The following NUP153 variants were observed in gnomAD, a reference collection of about 807,000 sequenced individuals.
The protein encoded by NUP153 is nuclear pore complex protein Nup153.
In NUP153, 27 loss-of-function variants were observed where a neutral mutation model predicts 134.6. The ratio of observed to expected loss-of-function variants is 0.20; its 90% confidence interval spans 0.15 to 0.28. NUP153 has a LOEUF of 0.28. NUP153 is among the 10% of genes least tolerant of loss of function. NUP153 has a pLI of 1.00. For missense variants in NUP153, 1,821 were observed against 1,731.3 expected (o/e 1.05, Z -0.92); for synonymous variants, 640 against 623.5 (o/e 1.03, Z -0.40).
Position 17,629,067 on chromosome 6 carries a change from G to T in NUP153, c.3132C>A (p.Asn1044Lys). 3.1e-6 allele frequency: 5 copies of T among 1,614,218 alleles called. No homozygotes were observed. Among genetic ancestry groups the T allele is most frequent in the Non-Finnish European group, 4.2e-6 (5 of 1,180,044 alleles). The change falls in exon 18 of 22, where the codon AAC (asparagine) becomes AAA (lysine). Residue 1044 changes from asparagine (N) to lysine (K), a missense_variant. Coordinates refer to ENST00000262077, the MANE Select transcript of NUP153 (RefSeq NM_005124.4). ...APANTIVTSENKSSFNLGTIE... is the reference protein window; with the variant it reads ...APANTIVTSEKKSSFNLGTIE... ...TGGTTCCAAGGTTGAAGCTGCTCTT[G>T]TTCTCAGAGGTCACTATGGTGTTAG...
In NUP153 at chr6:17,678,352, CAAAAAA is replaced by C. The variant is rs11428582; in HGVS notation, c.335-2588_335-2583del. ...GCCTGGTTGACAGAACCCTCTGTCT[CAAAAAA>C]AAAAAAAAAAAAAAAAAGATTCTGG... On this transcript the variant is annotated intron_variant, in intron 2 of 21. Transcript: ENST00000262077. Among the ~76,000 whole-genome samples, 44 of 68,224 alleles carry C rather than the reference CAAAAAA, an allele frequency of 6.4e-4. No homozygotes were observed. The Middle Eastern group carries it at 0.071, about 111-fold the overall frequency. The allele number at this position is 68,224 out of a possible 152,430, so 44.8% of individuals were successfully genotyped here. A position where few individuals can be genotyped will look rare whatever the true frequency, so the allele number is the denominator to read the frequency against.
In NUP153 at chr6:17,624,820, T is replaced by C. The variant is rs1350984208; in HGVS notation, c.3915A>G (p.Val1305=). 1 of 1,603,558 alleles carries C rather than the reference T, an allele frequency of 6.2e-7. No homozygotes were observed. Residue 1305 remains valine (V), a synonymous_variant, in exon 20 of 22, where the codon GTA becomes GTG. Coordinates refer to ENST00000262077, the MANE Select transcript of NUP153 (RefSeq NM_005124.4). ...ATGGTGCTGAGGGTCCAGTTCCAAA[T>C]ACAAAGGAGGATCCTGGAGGCCCAA... The part of the protein sequence containing the change: ...TTSSSAGSSF[V]FGTGPSAPSA...
In NUP153 at chr6:17,646,214, T is replaced by C; in HGVS notation, c.1633-60A>G. 1.1e-5 allele frequency: 10 copies of C among 893,250 alleles called. No homozygotes were observed. In the South Asian group the frequency reaches 1.4e-4, roughly 13 times the overall value. 55.3% of individuals were successfully genotyped at this position (893,250 alleles called of 1,614,324 possible). A position where few individuals can be genotyped will look rare whatever the true frequency, so the allele number is the denominator to read the frequency against. ...TCAATAAGTATCAAATATAGAGCTT[T>C]TTTATTCCCCCGAGACGGAGTCTTA... is the stretch of plus-strand genomic sequence containing the variant. On this transcript the variant is annotated intron_variant, in intron 13 of 21. Coordinates refer to ENST00000262077, the MANE Select transcript of NUP153 (RefSeq NM_005124.4).
In NUP153 at chr6:17,651,627, A is replaced by G. The variant is rs543126380; in HGVS notation, c.1396-2327T>C. Among the ~76,000 whole-genome samples, 9 of 152,310 alleles carry G rather than the reference A, an allele frequency of 5.9e-5. No individual in the cohort carries two copies. The South Asian group carries it at 1.9e-3, about 32-fold the overall frequency. On this transcript the variant is annotated intron_variant, in intron 11 of 21. Transcript: ENST00000262077. ...TGCCCTGAAACTACTAAGCATAAGA[A>G]GGCTTATTCCAGTAAGAGTGGCTGT...
At chr6:17,632,106 G>C (rs574359415) in intron 17 of NUP153, among the ~76,000 whole-genome samples, 190 of 152,038 alleles carry the variant, frequency 1.2e-3, no homozygotes, top group African/African-American at 4.1e-3. Context: ...AGCCTGTATC[G>C]CTTTTAATTT....
At chr6:17,700,884 T>TA (rs1770010583) in intron 1 of NUP153, among the ~76,000 whole-genome samples, 1 of 152,244 alleles carries the variant, frequency 6.6e-6, no homozygotes, top group African/African-American at 2.4e-5. Context: ...AGAAAAAGTT[T>TA]ACTGACCCCT....
rs142677873 is a variant in NUP153, at chr6:17,662,030, T to G, written c.1256A>C (p.Glu419Ala). The change falls in exon 10 of 22, where the codon GAA becomes GCA. Residue 419 changes from glutamate to alanine, a missense_variant. Physicochemically the swap from Glu to Ala is moderately radical, Grantham distance 107. Transcript: ENST00000262077. Reference sequence around the variant, plus strand: ...GAAATGACAGTACCTTTCTCGTTGTTCTCTATTTTGTCCGGGTGTCATATT... The same window carrying G: ...GAAATGACAGTACCTTTCTCGTTGTGCTCTATTTTGTCCGGGTGTCATATT... ...EKNMTPGQNR[E>A]QRESGFSYPN... 3.1e-4 allele frequency: 502 copies of G among 1,609,222 alleles called. No homozygotes were observed. Among genetic ancestry groups the G allele is most frequent in the Non-Finnish European group, 3.9e-4 (461 of 1,176,084 alleles).
intron 16 of NUP153, among the ~76,000 whole-genome samples, chr6:17,636,751 T>G (rs906631072): frequency 6.6e-6 from 1 of 152,218 alleles, no homozygotes; most frequent in African/African-American, 2.4e-5. Context: ...TTAACGACTA[T>G]AGTCTACCCC....
chr6:17,661,313 T>C (rs1767161893), intron 11 of NUP153, among the ~76,000 whole-genome samples: 1 of 152,082 alleles, frequency 6.6e-6, no homozygotes, highest in African/African-American at 2.4e-5. Context: ...GACTGTATCT[T>C]AAAAAAAGAA....
rs36027788 is a variant in NUP153 at position 17,632,846 on chromosome 6, T to TAAAAA, written c.2465-7_2465-3dup. The TAAAAA allele has an allele frequency of 7.5e-4, 646 of 864,530 alleles. 1 individual carries two copies. The highest frequency in any genetic ancestry group is 1.3e-3 in the South Asian group (52 of 41,464). 53.6% of individuals were successfully genotyped at this position (864,530 alleles called of 1,614,324 possible). Reference sequence around the variant, plus strand: ...TACTTGAAGCAGGTACTGAACTTCCTAAAAAAAAAAAAAAAAACGGGGAGT... The same window carrying TAAAAA: ...TACTTGAAGCAGGTACTGAACTTCCTAAAAAAAAAAAAAAAAAAAAAACGGGGAGT... On this transcript the variant is annotated splice_polypyrimidine_tract_variant and splice_region_variant and intron_variant, in intron 16 of 21. Transcript: ENST00000262077.
chr6:17,665,829 C>T (rs995057360), intron 8 of NUP153, among the ~76,000 whole-genome samples: 2 of 151,792 alleles, frequency 1.3e-5, no homozygotes, highest in African/African-American at 2.4e-5. Flanking sequence ...TGTACACAGG[C>T]GTGCGCCACC....
intron 20 of NUP153, among the ~76,000 whole-genome samples, chr6:17,618,141 A>G (rs1217885151): frequency 6.6e-6 from 1 of 152,196 alleles, no homozygotes; most frequent in Non-Finnish European, 1.5e-5. Flanking sequence ...CTGACAGACT[A>G]AGTGAAAAGA....
In NUP153 at chr6:17,706,372, C is replaced by G. The variant is rs1227952157; in HGVS notation, c.16G>C (p.Gly6Arg). 4.3e-6 allele frequency: 7 copies of G among 1,612,336 alleles called. No individual in the cohort carries two copies. Among genetic ancestry groups the G allele is most frequent in the Non-Finnish European group, 4.2e-6 (5 of 1,179,532 alleles). The change falls in exon 1 of 22, where the codon GGA (glycine) becomes CGA (arginine). Residue 6 changes from glycine (G) to arginine (R), a missense_variant. Coordinates refer to ENST00000262077, the MANE Select transcript of NUP153 (RefSeq NM_005124.4). The surrounding 1 kb of genome is among the most constrained non-coding windows in gnomAD (Gnocchi z 5.9). The stretch of plus-strand genomic sequence containing the variant: ...CCGCCACCGCCCCCTCCGACTCCTC[C>G]GGCTCCCGAGGCCATGGCGGAGCCT... MASGA[G>R]GVGGGGGGKI... is the part of the protein sequence containing the mutation.
In NUP153 at chr6:17,688,417, G is replaced by T; in HGVS notation, c.313C>A (p.Pro105Thr). 5 of 1,613,252 alleles carry T rather than the reference G, an allele frequency of 3.1e-6. No individual in the cohort carries two copies. Among genetic ancestry groups the T allele is most frequent in the Non-Finnish European group, 4.2e-6 (5 of 1,179,270 alleles). The stretch of plus-strand genomic sequence containing the variant: ...TTACCTTCTGTATTACTGACTGCTG[G>T]CTCAGGTGTGATTCTCCCATCAGTA... ...NITDGRITPE[P>T]AVSNTEEPST... Residue 105 changes from proline (P) to threonine (T), a missense_variant, in exon 2 of 22, where the codon CCA becomes ACA. Coordinates refer to ENST00000262077, the MANE Select transcript of NUP153 (RefSeq NM_005124.4).
intron 20 of NUP153, among the ~76,000 whole-genome samples, chr6:17,617,729 C>G (rs1263297650): frequency 6.6e-6 from 1 of 152,080 alleles, no homozygotes. Flanking sequence ...CCTGTAATCC[C>G]AGCTACTCAG....
chr6:17,624,946 T>C, intron 19 of NUP153, 113 bp from the exon 20 acceptor site: 2 of 1,007,148 alleles, frequency 2.0e-6, no homozygotes, highest in Non-Finnish European at 2.8e-6. Context: ...ACTCTTACCT[T>C]GCTAACCAAA....
At chr6:17,697,492 C>A (rs974917490) in intron 1 of NUP153, among the ~76,000 whole-genome samples, 1 of 152,198 alleles carries the variant, frequency 6.6e-6, no homozygotes, top group Non-Finnish European at 1.5e-5. Flanking sequence ...TCAAGACAAG[C>A]CTGGCCAACA....
At chr6:17,619,568 CA>C (rs1764536732) in intron 20 of NUP153, 3 of 152,118 alleles carry the variant, frequency 2.0e-5, no homozygotes, top group African/African-American at 7.2e-5. Flanking sequence ...AAAACTTGAA[CA>C]AAGAAGATTA....
At chr6:17,678,750 C>G (rs943539804) in intron 2 of NUP153, among the ~76,000 whole-genome samples, 3 of 151,570 alleles carry the variant, frequency 2.0e-5, no homozygotes, top group Non-Finnish European at 4.4e-5. Context: ...TCGAGACCAG[C>G]CTGGGCAACA....
Sources: gnomAD v4.1 joint callset for allele counts (sites outside exome capture counted in the v4.1 genomes callset) on GRCh38, gnomAD v4.1.1 for gene constraint, Gnocchi (gnomAD v3.1) non-coding constraint, MANE v1.5 for transcripts, NCBI Gene and HGNC (gene_info 2026-07-23, HGNC 2026-07-21) for gene names.